Variants in PCDH7 observed in about 807,000 individuals in gnomAD.
PCDH7 encodes the protein protocadherin-7.
A neutral mutation model predicts 58.9 loss-of-function variants in PCDH7; 17 were observed. The observed-to-expected ratio is 0.29, with a 90% CI of 0.20 to 0.43. PCDH7 has a LOEUF of 0.43. PCDH7 is among the 20% of genes least tolerant of loss of function. The pLI is 1.00. For missense variants in PCDH7, 1,274 were observed against 1,441.0 expected (o/e 0.88, Z 1.88); for synonymous variants, 664 against 616.4 (o/e 1.08, Z -1.14).
At chr4:31,069,868 C>CATTTGATGG (rs879870496) in intron 3 of PCDH7, among the ~76,000 whole-genome samples, 35,551 of 151,026 alleles carry the variant, frequency 0.24, 4,408 homozygotes, top group South Asian at 0.33. Context: ...CTCAAATTTT[C>CATTTGATGG]TCCACTTGAT....
chr4:30,805,198 T>C (rs1310799903), intron 1 of PCDH7, among the ~76,000 whole-genome samples: 2 of 152,186 alleles, frequency 1.3e-5, no homozygotes, highest in Non-Finnish European at 2.9e-5. Context: ...ATTTTGTTTT[T>C]ATGTATCACC....
At chr4:31,103,184 G>C (rs1715115967) in intron 3 of PCDH7, among the ~76,000 whole-genome samples, 1 of 152,112 alleles carries the variant, frequency 6.6e-6, no homozygotes, top group African/African-American at 2.4e-5. Flanking sequence ...CATATTGCTT[G>C]AGAGACATCA....
At chr4:30,915,497 C>A (rs1327506908) in intron 1 of PCDH7, among the ~76,000 whole-genome samples, 1 of 151,974 alleles carries the variant, frequency 6.6e-6, no homozygotes, top group Non-Finnish European at 1.5e-5. Context: ...TTGAAAGTGA[C>A]CTGCTTTTCA....
intron 1 of PCDH7, among the ~76,000 whole-genome samples, chr4:30,864,120 T>G (rs1009604933): frequency 2.6e-5 from 4 of 152,056 alleles, no homozygotes; most frequent in Non-Finnish European, 4.4e-5. Context: ...CCATCTCTTT[T>G]TTTTTGTATT....
At chr4:31,138,226 C>A (rs546010657) in intron 3 of PCDH7, among the ~76,000 whole-genome samples, 26 of 152,262 alleles carry the variant, frequency 1.7e-4, no homozygotes, top group African/African-American at 6.3e-4. Flanking sequence ...CATCCATCTA[C>A]CCTGCCTAGT....
chr4:31,038,701 G>T (rs558401765), intron 3 of PCDH7, among the ~76,000 whole-genome samples: 1 of 152,238 alleles, frequency 6.6e-6, no homozygotes, highest in Admixed American at 6.5e-5. Context: ...AGTAGCTATA[G>T]TTCCCTGATT....
intron 1 of PCDH7, among the ~76,000 whole-genome samples, chr4:30,764,106 GC>G (rs1720392234): frequency 1.3e-5 from 2 of 152,076 alleles, no homozygotes; most frequent in South Asian, 4.1e-4. Context: ...AATCTTTCAG[GC>G]ATTAGTAAGA....
At chr4:30,776,472 G>A (rs1228628660) in intron 1 of PCDH7, among the ~76,000 whole-genome samples, 3 of 152,196 alleles carry the variant, frequency 2.0e-5, no homozygotes, top group African/African-American at 4.8e-5. Flanking sequence ...AGTGCAGAAG[G>A]GGAAAATGAA....
At chr4:31,131,890 C>T (rs2109337236) in intron 3 of PCDH7, among the ~76,000 whole-genome samples, 1 of 152,170 alleles carries the variant, frequency 6.6e-6, no homozygotes, top group South Asian at 2.1e-4. Flanking sequence ...ATATTTATTA[C>T]ATTAAAAAAA....
chr4:30,996,411 G>A lies in PCDH7; in HGVS notation c.*7+46196G>A, dbSNP rs559114980. ...AAGGATAGTGATTCCAATGCGCGAGGACATTTTCCAGCATGGATAGAATCA... is the reference window on the plus strand; with the variant it reads ...AAGGATAGTGATTCCAATGCGCGAGAACATTTTCCAGCATGGATAGAATCA... On this transcript the variant is annotated intron_variant, in intron 3 of 3. Coordinates refer to the PCDH7 transcript ENST00000509759. Among the ~76,000 whole-genome samples, 6 of 152,288 alleles carry A rather than the reference G, an allele frequency of 3.9e-5. No homozygotes were observed. In the East Asian group the frequency reaches 1.2e-3, roughly 29 times the overall value.
intron 3 of PCDH7, among the ~76,000 whole-genome samples, chr4:30,974,584 A>C (rs1355205837): frequency 6.6e-6 from 1 of 152,144 alleles, no homozygotes; most frequent in Non-Finnish European, 1.5e-5. Context: ...GCTAAGTAAA[A>C]ATATTAATCT....
chr4:30,989,863 T>C (rs1253246089), intron 3 of PCDH7, among the ~76,000 whole-genome samples: 1 of 152,212 alleles, frequency 6.6e-6, no homozygotes, highest in Non-Finnish European at 1.5e-5. Context: ...AATTAATCAT[T>C]ACTTTATGTA....
intron 3 of PCDH7, among the ~76,000 whole-genome samples, chr4:30,981,310 A>G (rs1242275986): frequency 1.1e-4 from 17 of 152,178 alleles, no homozygotes; most frequent in Non-Finnish European, 1.2e-4. Context: ...TTTTAAAGCC[A>G]CCAGAAAGTG....
chr4:31,024,935 G>T (rs1043158196), intron 3 of PCDH7, among the ~76,000 whole-genome samples: 6 of 152,050 alleles, frequency 3.9e-5, no homozygotes, highest in Non-Finnish European at 7.4e-5. Context: ...TAGAGACAGG[G>T]TTTCACCATG....
At position 30,874,646 on chromosome 4, in the gene PCDH7, T is replaced by C. The variant is rs1011227245; in HGVS notation, c.71-45507T>C. On this transcript the variant is annotated intron_variant, in intron 1 of 3. Transcript: ENST00000509759. ...CATGGCACATGTATACATATGTAACTAACCTGCACATTGTGCACATGTACC... is the reference window on the plus strand; with the variant it reads ...CATGGCACATGTATACATATGTAACCAACCTGCACATTGTGCACATGTACC... 5.3e-5 allele frequency among the ~76,000 whole-genome samples: 8 copies of C among 151,108 alleles called. No individual in the cohort carries two copies. The Admixed American group carries it at 5.3e-4, about 10-fold the overall frequency.
chr4:30,911,329 C>A (rs1007154290), intron 1 of PCDH7, among the ~76,000 whole-genome samples: 4 of 147,184 alleles, frequency 2.7e-5, no homozygotes, highest in African/African-American at 7.4e-5. Flanking sequence ...CACCCCCCCC[C>A]CCAAAAAAAA....
chr4:30,965,360 G>C (rs1304530164), intron 3 of PCDH7, among the ~76,000 whole-genome samples: 3 of 152,034 alleles, frequency 2.0e-5, no homozygotes, highest in Non-Finnish European at 4.4e-5. Flanking sequence ...TACATAAGAT[G>C]ACAATTTAAA....
intron 3 of PCDH7, among the ~76,000 whole-genome samples, chr4:31,040,819 C>A (rs1296070986): frequency 6.6e-6 from 1 of 151,730 alleles, no homozygotes; most frequent in Non-Finnish European, 1.5e-5. Context: ...GGTTGAGAAA[C>A]TAAAAATCAA....
At chr4:30,932,256 G>A (rs555503873) in intron 2 of PCDH7, among the ~76,000 whole-genome samples, 57 of 152,260 alleles carry the variant, frequency 3.7e-4, no homozygotes, top group South Asian at 1.2e-3. Context: ...TGTTTGCATA[G>A]CACCACAGAA....
Sources: allele counts gnomAD v4.1 joint callset (sites outside exome capture counted in the v4.1 genomes callset), GRCh38; gene constraint gnomAD v4.1.1; transcripts MANE v1.5; gene names NCBI Gene and HGNC (gene_info 2026-07-23, HGNC 2026-07-21).